Variants in BPIFB2 observed in about 807,000 individuals in gnomAD.
The protein encoded by BPIFB2 is BPI fold-containing family B member 2.
A neutral mutation model predicts 50.1 loss-of-function variants in BPIFB2; 39 were observed. The observed-to-expected ratio is 0.78, with a 90% CI of 0.60 to 1.02. The LOEUF is 1.02. Among genes scored for constraint, BPIFB2 ranks in the 50% least tolerant of loss-of-function variants. The probability of loss-of-function intolerance (pLI) is 0.00; values close to 1 mark genes in which losing one functional copy is unlikely to be tolerated. For synonymous variants in BPIFB2, 280 were observed against 256.3 expected, an observed-to-expected ratio of 1.09 and a Z score of -0.88; for missense variants, 574 against 585.8, an observed-to-expected ratio of 0.98 and a Z score of 0.21.
At chr20:33,008,467 G>C (rs1444365814) in intron 1 of BPIFB2, 74 bp from the exon 2 acceptor site, 8 of 826,906 alleles carry the variant, frequency 9.7e-6, no homozygotes, top group Non-Finnish European at 1.1e-5. Flanking sequence ...GTTCCCTCCA[G>C]GCTGGAGTGG....
intron 1 of BPIFB2, among the ~76,000 whole-genome samples, 173 bp downstream of exon 1, chr20:33,007,933 C>T (rs560135566): frequency 2.6e-5 from 4 of 152,346 alleles, no homozygotes; most frequent in East Asian, 1.9e-4. Context: ...CCACCTGAGC[C>T]GCAGTCCCTC....
Position 33,013,907 on chromosome 20 carries a change from G to A in BPIFB2, c.406G>A (p.Ala136Thr), listed in dbSNP as rs777818298. The change falls in exon 5 of 16, where the codon GCC becomes ACC. Residue 136 changes from alanine (A) to threonine (T), a missense_variant. Ala to Thr is a moderately conservative substitution (Grantham distance 58, BLOSUM62 0). Transcript: ENST00000170150. ...CAGGACCCCTGTGGTCAGCATCTCT[G>A]CCTGCTCTTTATTCTCGGGCCACGC... ...SIRTPVVSIS[A>T]CSLFSGHANE... 4 of 1,613,962 alleles carry A rather than the reference G, an allele frequency of 2.5e-6. No homozygotes were observed. The Admixed American group carries it at 6.7e-5, about 27-fold the overall frequency.
chr20:33,018,897 A>T, intron 9 of BPIFB2, 75 bp downstream of exon 9: 5 of 1,571,626 alleles, frequency 3.2e-6, no homozygotes, highest in Non-Finnish European at 4.3e-6. Context: ...GACCTCCCAG[A>T]GGCCAAATCA....
chr20:33,018,178 A>G, intron 7 of BPIFB2, 81 bp from the exon 8 acceptor site: 1 of 1,109,558 alleles, frequency 9.0e-7, no homozygotes, highest in East Asian at 2.5e-5. Flanking sequence ...CAGACAATAA[A>G]TAAACTTTTC....
At chr20:33,018,167 T>A in intron 7 of BPIFB2, 92 bp from the exon 8 acceptor site, 1 of 998,248 alleles carries the variant, frequency 1.0e-6, no homozygotes, top group Non-Finnish European at 1.5e-6. Flanking sequence ...ATCAGGGTAA[T>A]CAGACAATAA....
chr20:33,018,407 T>A, intron 8 of BPIFB2, 57 bp downstream of exon 8: 1 of 1,485,010 alleles, frequency 6.7e-7, no homozygotes, highest in Non-Finnish European at 9.3e-7. Context: ...GAGTCCTTGG[T>A]GTTCCAGAAG....
At chr20:33,012,771 GCCACTCTGTCA>G in intron 3 of BPIFB2, 21 bp from the exon 4 acceptor site, 1 of 1,539,254 alleles carries the variant, frequency 6.5e-7, no homozygotes, top group African/African-American at 1.4e-5. Context: ...TTTAATGGGG[GCCACTCTGTCA>G]CCTTGATTAC....
At chr20:33,019,319 C>G (rs1978563915) in intron 10 of BPIFB2, among the ~76,000 whole-genome samples, 1 of 152,150 alleles carries the variant, frequency 6.6e-6, no homozygotes, top group African/African-American at 2.4e-5. Context: ...TGAGCAGTGT[C>G]TGCTGTTTGG....
At chr20:33,010,040 G>A (rs1990264403) in intron 2 of BPIFB2, among the ~76,000 whole-genome samples, 1 of 152,190 alleles carries the variant, frequency 6.6e-6, no homozygotes, top group Admixed American at 6.5e-5. Context: ...TCTTGTTGGG[G>A]GAGACTAAGA....
At chr20:33,015,119 C>A (rs536727365) in intron 5 of BPIFB2, among the ~76,000 whole-genome samples, 1 of 152,322 alleles carries the variant, frequency 6.6e-6, no homozygotes, top group East Asian at 1.9e-4. Flanking sequence ...CTTTACTGGG[C>A]TTAGAGTGGC....
At chr20:33,008,375 C>G (rs1216418614) in intron 1 of BPIFB2, among the ~76,000 whole-genome samples, 166 bp from the exon 2 acceptor site, 1 of 152,186 alleles carries the variant, frequency 6.6e-6, no homozygotes, top group Non-Finnish European at 1.5e-5. Flanking sequence ...GCAAGCAAGG[C>G]AAGGTGATGG....
In BPIFB2 at chr20:33,009,454, G is replaced by A. The variant is rs6088068; in HGVS notation, c.109+771G>A. Reference sequence around the variant, plus strand: ...CCACCAAAGCCAGGAGATCAGAAGCGGTTTCCCCCAAGGCCAAACTCAGAT... The same window carrying A: ...CCACCAAAGCCAGGAGATCAGAAGCAGTTTCCCCCAAGGCCAAACTCAGAT... On this transcript the variant is annotated intron_variant, in intron 2 of 15. Transcript: ENST00000170150. The surrounding 1 kb of genome is among the most constrained non-coding windows in gnomAD (Gnocchi z 4.2). Among the ~76,000 whole-genome samples, 22,527 of 152,142 alleles carry A rather than the reference G, an allele frequency of 0.15. 1,755 individuals are homozygous for A. The highest frequency in any genetic ancestry group is 0.17 in the Admixed American group (2,667 of 15,288).
chr20:33,023,648 C>G lies in BPIFB2; in HGVS notation c.*265C>G, dbSNP rs565428783. 1.7e-6 allele frequency: 1 copy of G among 576,116 alleles called. No homozygotes were observed. Among genetic ancestry groups the G allele is most frequent in the Non-Finnish European group, 3.1e-6 (1 of 320,612 alleles). 35.7% of individuals were successfully genotyped at this position (576,116 alleles called of 1,614,324 possible). ...CCACCCCAGCGGGGAGCAGACTGCT[C>G]CTCCAGGCTGTATAGACCTGCCCTC... On this transcript the variant is annotated 3_prime_UTR_variant, in exon 16 of 16. Coordinates refer to ENST00000170150, the MANE Select transcript of BPIFB2 (RefSeq NM_025227.3).
At position 33,013,837 on chromosome 20, in the gene BPIFB2, G is replaced by A. The variant is rs370279071; in HGVS notation, c.336G>A (p.Leu112=). Residue 112 remains leucine, a synonymous_variant, in exon 5 of 16, where the codon CTG becomes CTA. Transcript: ENST00000170150. Reference sequence around the variant, plus strand: ...CCCCAGAGCCCCTGGAGCTGACGCTGCCTGTGGAACTGCTGGCTGACACCC... The same window carrying A: ...CCCCAGAGCCCCTGGAGCTGACGCTACCTGTGGAACTGCTGGCTGACACCC... ...FRAPEPLELT[L]PVELLADTRV... The A allele has an allele frequency of 9.3e-6, 15 of 1,613,782 alleles. No homozygotes were observed. The African/African-American group carries it at 1.5e-4, about 16-fold the overall frequency.
chr20:33,023,247 A>G, intron 15 of BPIFB2, 95 bp from the exon 16 acceptor site: 2 of 1,270,704 alleles, frequency 1.6e-6, no homozygotes, highest in Middle Eastern at 2.4e-4. Context: ...CCACAGCAAG[A>G]ATGGCAGAGC....
In BPIFB2 at chr20:33,023,522, T is replaced by C. The variant is rs1014863369; in HGVS notation, c.*139T>C. 7.0e-6 allele frequency: 7 copies of C among 1,001,498 alleles called. No homozygotes were observed. Among genetic ancestry groups the C allele is most frequent in the Non-Finnish European group, 1.1e-5 (7 of 655,246 alleles). 62.0% of individuals were successfully genotyped at this position (1,001,498 alleles called of 1,614,324 possible). A position where few individuals can be genotyped will look rare whatever the true frequency, so the allele number is the denominator to read the frequency against. ...TGGACTGCTTAGCTGGGCTGTTTTATCTTCCCTGAGTGCCTGGGTCTCCCT... is the reference window on the plus strand; with the variant it reads ...TGGACTGCTTAGCTGGGCTGTTTTACCTTCCCTGAGTGCCTGGGTCTCCCT... On this transcript the variant is annotated 3_prime_UTR_variant, in exon 16 of 16. Transcript: ENST00000170150.
At chr20:33,021,677 A>G (rs906637908) in intron 14 of BPIFB2, 46 bp from the exon 15 acceptor site, 13 of 1,583,178 alleles carry the variant, frequency 8.2e-6, no homozygotes, top group Non-Finnish European at 1.0e-5. Flanking sequence ...GGGCTTCAGC[A>G]CAGGCTGGCT....
In BPIFB2 at chr20:33,010,751, T is replaced by C. The variant is rs75212441; in HGVS notation, c.110-273T>C. On this transcript the variant is annotated intron_variant, in intron 2 of 15. Transcript: ENST00000170150. The stretch of plus-strand genomic sequence containing the variant: ...AACCTTGCAAGAGGGCAAAGGATTT[T>C]GTTGCTTTTGAAGGACGGGGTAAAT... Among the ~76,000 whole-genome samples, 25 of 152,174 alleles carry C rather than the reference T, an allele frequency of 1.6e-4. No individual in the cohort carries two copies. In the East Asian group the frequency reaches 4.5e-3, roughly 27 times the overall value.
chr20:33,014,595 G>T (rs1001227878), intron 5 of BPIFB2, among the ~76,000 whole-genome samples: 1 of 152,156 alleles, frequency 6.6e-6, no homozygotes, highest in African/African-American at 2.4e-5. Context: ...CAGGCAGCCC[G>T]ACTAATCCCA....
Sources: allele counts gnomAD v4.1 joint callset (sites outside exome capture counted in the v4.1 genomes callset), GRCh38; gene constraint gnomAD v4.1.1; non-coding constraint Gnocchi (gnomAD v3.1); transcripts MANE v1.5; gene names NCBI Gene and HGNC (gene_info 2026-07-23, HGNC 2026-07-21).